Variants in IGFL2 observed in about 807,000 individuals in gnomAD.
The protein encoded by IGFL2 is IGF like family member 2, also known as insulin growth factor-like family member 2.
Under a neutral mutation model 13.9 loss-of-function variants are expected in IGFL2, and 7 were observed. The ratio of observed to expected loss-of-function variants is 0.51; its 90% CI spans 0.29 to 0.95. IGFL2 has a LOEUF of 0.95. IGFL2 is among the 40% of genes least tolerant of loss of function. IGFL2 has a pLI of 0.08. For missense variants in IGFL2, 138 were observed against 147.8 expected (o/e 0.93, Z 0.34); for synonymous variants, 55 against 55.8 (o/e 0.99, Z 0.07).
At chr19:46,094,881 A>G in the IGFL2 span, among the ~76,000 whole-genome samples, 2 of 152,214 alleles carry the variant, frequency 1.3e-5, no homozygotes, top group Admixed American at 1.3e-4. Flanking sequence ...ATGGCTACAT[A>G]GTATTCCATG....
chr19:46,189,824 C>T, the IGFL2 span: 5 of 152,072 alleles, frequency 3.3e-5, no homozygotes, highest in South Asian at 6.3e-4. Context: ...ATCATATCTA[C>T]GATCTATATC....
chr19:46,150,045 C>G (rs1253008771), intron 1 of IGFL2, among the ~76,000 whole-genome samples: 1 of 152,138 alleles, frequency 6.6e-6, no homozygotes, highest in Non-Finnish European at 1.5e-5. Flanking sequence ...TTGTTATTTT[C>G]TATTTTCCTG....
the IGFL2 span, among the ~76,000 whole-genome samples, chr19:46,096,000 G>A: frequency 6.6e-6 from 1 of 152,102 alleles, no homozygotes; most frequent in Non-Finnish European, 1.5e-5. Flanking sequence ...TTGGCTATAT[G>A]GGCTCTTTTT....
the IGFL2 span, chr19:46,111,478 A>G: frequency 2.6e-5 from 4 of 152,368 alleles, no homozygotes; most frequent in East Asian, 1.9e-4. Context: ...TCATATGGCA[A>G]TAAAAAGAGA....
chr19:46,124,570 G>A, the IGFL2 span: 3 of 1,513,782 alleles, frequency 2.0e-6, no homozygotes, highest in South Asian at 2.3e-5. Flanking sequence ...GTTGAGGTTT[G>A]GGAGCTGCAC....
chr19:46,137,726 C>T, the IGFL2 span, among the ~76,000 whole-genome samples: 1 of 152,166 alleles, frequency 6.6e-6, no homozygotes, highest in African/African-American at 2.4e-5. Flanking sequence ...TTAAAAAATG[C>T]TTTTTTAAAT....
chr19:46,214,767 A>T, the IGFL2 span: 1 of 152,262 alleles, frequency 6.6e-6, no homozygotes, highest in South Asian at 2.1e-4. Flanking sequence ...TATCCAATAA[A>T]CAAGAAAGCA....
the IGFL2 span, among the ~76,000 whole-genome samples, chr19:46,199,553 T>G: frequency 1.3e-5 from 2 of 152,150 alleles, no homozygotes; most frequent in Non-Finnish European, 2.9e-5. Flanking sequence ...CTTCCCAGCC[T>G]CTGAGAGCCC....
At chr19:46,190,748 G>C in the IGFL2 span, among the ~76,000 whole-genome samples, 3 of 152,192 alleles carry the variant, frequency 2.0e-5, no homozygotes, top group Non-Finnish European at 4.4e-5. Context: ...TCCCCCATGG[G>C]GGGTGGGGGT....
At chr19:46,125,415 GCAGA>G in the IGFL2 span, among the ~76,000 whole-genome samples, 3 of 152,206 alleles carry the variant, frequency 2.0e-5, no homozygotes, top group East Asian at 1.9e-4. Flanking sequence ...ACTTAGGTGT[GCAGA>G]CAGAGGGAAG....
the IGFL2 span, among the ~76,000 whole-genome samples, chr19:46,187,770 A>C: frequency 7.1e-6 from 1 of 140,774 alleles, no homozygotes; most frequent in South Asian, 2.3e-4. Flanking sequence ...CTACCTGATC[A>C]GAGATGGTGA....
the IGFL2 span, among the ~76,000 whole-genome samples, chr19:46,188,264 T>G: frequency 1.3e-5 from 2 of 152,166 alleles, no homozygotes; most frequent in Non-Finnish European, 2.9e-5. Flanking sequence ...CTTGTGCATG[T>G]CAGGGTTAGT....
chr19:46,214,225 G>C, the IGFL2 span: 3 of 152,202 alleles, frequency 2.0e-5, no homozygotes, highest in African/African-American at 7.2e-5. Flanking sequence ...CCTTGGACCT[G>C]AGTTCAACAA....
upstream of IGFL2, among the ~76,000 whole-genome samples, chr19:46,145,600 ATGTGTGTGTGTGTGTG>A (rs1024196099): frequency 1.1e-5 from 1 of 94,450 alleles, no homozygotes; most frequent in African/African-American, 2.9e-5. Context: ...ACTCATATAT[ATGTGTGTGTGTGTGTG>A]TGTGTGTGTG....
chr19:46,166,542 C>G, the IGFL2 span, among the ~76,000 whole-genome samples: 1 of 152,134 alleles, frequency 6.6e-6, no homozygotes. Context: ...TATCAGGAGA[C>G]AGGGTTTTGA....
chr19:46,164,089 TC>T (rs1974282827), downstream of IGFL2: 1 of 132,176 alleles, frequency 7.6e-6, no homozygotes, highest in Admixed American at 7.4e-5. Context: ...GTGCTGGGGG[TC>T]CATGTCAGCC....
At chr19:46,182,221 G>C in the IGFL2 span, among the ~76,000 whole-genome samples, 1 of 152,044 alleles carries the variant, frequency 6.6e-6, no homozygotes, top group East Asian at 1.9e-4. Flanking sequence ...ACAAAAATTA[G>C]CCGGGCTTGG....
At chr19:46,088,346 T>A in the IGFL2 span, among the ~76,000 whole-genome samples, 3 of 152,258 alleles carry the variant, frequency 2.0e-5, no homozygotes, top group African/African-American at 7.2e-5. Flanking sequence ...GTTTATTATT[T>A]AAGATAAGGG....
intron 1 of IGFL2, among the ~76,000 whole-genome samples, chr19:46,150,077 G>A (rs937055181): frequency 2.0e-5 from 3 of 152,114 alleles, no homozygotes; most frequent in Non-Finnish European, 4.4e-5. Context: ...CATCTGGGTG[G>A]GTGGGTGTGA....
Sources: gnomAD v4.1 joint callset for allele counts (sites outside exome capture counted in the v4.1 genomes callset) on GRCh38, gnomAD v4.1.1 for gene constraint, MANE v1.5 for transcripts, NCBI Gene and HGNC (gene_info 2026-07-23, HGNC 2026-07-21) for gene names.